Variants in KIF6 observed in about 807,000 individuals in gnomAD.
The protein encoded by KIF6 is kinesin-like protein KIF6.
In KIF6, 106 loss-of-function variants were observed where a neutral mutation model predicts 112.7. The ratio of observed to expected loss-of-function variants is 0.94; its 90% CI spans 0.80 to 1.11. KIF6 has a LOEUF of 1.11. Ranked by LOEUF, KIF6 falls within the 50% of genes least tolerant of loss-of-function variation. KIF6 has a pLI of 0.00. For missense variants in KIF6, 929 were observed against 964.0 expected (o/e 0.96, Z 0.48); for synonymous variants, 339 against 339.9 (o/e 1.00, Z 0.03).
At chr6:39,608,682 T>G (rs1783029030) in intron 6 of KIF6, among the ~76,000 whole-genome samples, 2 of 152,236 alleles carry the variant, frequency 1.3e-5, no homozygotes, top group African/African-American at 4.8e-5. Flanking sequence ...GAAAGTAACC[T>G]CTTTCAAAAG....
At chr6:39,536,652 A>G (rs1487555781) in intron 13 of KIF6, among the ~76,000 whole-genome samples, 1 of 151,876 alleles carries the variant, frequency 6.6e-6, no homozygotes, top group Non-Finnish European at 1.5e-5. Flanking sequence ...AGTAACTGGT[A>G]CCATTCCTTC....
chr6:39,358,325 G>A (rs557545374), intron 18 of KIF6, among the ~76,000 whole-genome samples: 2 of 152,332 alleles, frequency 1.3e-5, no homozygotes, highest in East Asian at 3.9e-4. Context: ...TTCTGCCTCT[G>A]CCCACTGAGG....
rs1167242138 is a variant in KIF6 at position 39,342,611 on chromosome 6, A to ATT, written c.2428+1096_2428+1097dup. Among the ~76,000 whole-genome samples, 96 of 84,584 alleles carry ATT rather than the reference A, an allele frequency of 1.1e-3. 3 individuals are homozygous for ATT. The highest frequency in any genetic ancestry group is 8.8e-3 in the African/African-American group (92 of 10,470). The allele number at this position is 84,584 out of a possible 152,430, so 55.5% of individuals were successfully genotyped here. On this transcript the variant is annotated intron_variant, in intron 22 of 22. Transcript: ENST00000287152. This position sits in a 1 kb window ranked among gnomAD's most constrained non-coding sequence, Gnocchi z 4.7. ...TGAATCCAGTTTTTTATTTTTTTTT[A>ATT]TTTTTTTTTATTTTTTTTTATTTTT...
chr6:39,425,915 G>A (rs1049174799), intron 14 of KIF6, among the ~76,000 whole-genome samples: 4 of 152,008 alleles, frequency 2.6e-5, no homozygotes, highest in African/African-American at 7.2e-5. Context: ...CTCCACCCTC[G>A]GTCCGGTTTT....
At chr6:39,368,022 G>A (rs1445677957) in intron 16 of KIF6, among the ~76,000 whole-genome samples, 1 of 152,198 alleles carries the variant, frequency 6.6e-6, no homozygotes, top group Non-Finnish European at 1.5e-5. Context: ...TTCAATGCAA[G>A]TACTCTGTGC....
In KIF6 at chr6:39,723,836, A is replaced by G. The variant is rs115758374; in HGVS notation, c.66+1409T>C. Among the ~76,000 whole-genome samples, 1,327 of 152,304 alleles carry G rather than the reference A, an allele frequency of 8.7e-3. 20 individuals are homozygous for G. Among genetic ancestry groups the G allele is most frequent in the African/African-American group, 0.03 (1,263 of 41,560 alleles). The stretch of plus-strand genomic sequence containing the variant: ...TGCAGCAAACCACCACGGCACGTGT[A>G]TACCTACGTGAGAAACCTGTACGTT... On this transcript the variant is annotated intron_variant, in intron 1 of 22. Transcript: ENST00000287152.
chr6:39,356,737 C>T (rs932907168), intron 19 of KIF6, among the ~76,000 whole-genome samples: 1 of 152,168 alleles, frequency 6.6e-6, no homozygotes, highest in African/African-American at 2.4e-5. Context: ...GTGCTACCCC[C>T]TGGGTTGTGT....
At chr6:39,444,292 G>A (rs79773186) in intron 13 of KIF6, among the ~76,000 whole-genome samples, 1,753 of 151,864 alleles carry the variant, frequency 0.012, 28 homozygotes, top group African/African-American at 0.038. Flanking sequence ...AGGCCACCCC[G>A]GCTTTACTGA....
chr6:39,689,626 T>A (rs1179913020), intron 3 of KIF6, among the ~76,000 whole-genome samples: 1 of 152,044 alleles, frequency 6.6e-6, no homozygotes, highest in Non-Finnish European at 1.5e-5. Context: ...AGGGCCAGGG[T>A]CTCACTCTGT....
intron 5 of KIF6, among the ~76,000 whole-genome samples, chr6:39,633,162 A>T (rs1474293843): frequency 6.6e-6 from 1 of 152,028 alleles, no homozygotes; most frequent in East Asian, 1.9e-4. Context: ...AATAACTTTT[A>T]AAAATTATTT....
chr6:39,639,284 A>G (rs1784786973), intron 4 of KIF6, among the ~76,000 whole-genome samples: 1 of 152,154 alleles, frequency 6.6e-6, no homozygotes, highest in African/African-American at 2.4e-5. Flanking sequence ...TGCTTTGATA[A>G]GAAGACATTC....
At chr6:39,357,234 C>A (rs1411738568) in intron 19 of KIF6, 43 bp downstream of exon 19, 4 of 1,314,704 alleles carry the variant, frequency 3.0e-6, no homozygotes, top group Non-Finnish European at 4.3e-6. Flanking sequence ...GGTAGGGAGC[C>A]TTTTCTGGGA....
intron 19 of KIF6, among the ~76,000 whole-genome samples, chr6:39,348,853 C>T (rs1431572079): frequency 6.6e-6 from 1 of 152,240 alleles, no homozygotes; most frequent in Admixed American, 6.5e-5. Flanking sequence ...AGCAGCCGCT[C>T]TGGAGCTCGG....
chr6:39,605,612 G>T (rs947050653), intron 6 of KIF6, among the ~76,000 whole-genome samples: 1 of 152,024 alleles, frequency 6.6e-6, no homozygotes, highest in African/African-American at 2.4e-5. Context: ...AATATATACT[G>T]TGAAACTTTA....
At position 39,528,813 on chromosome 6, in the gene KIF6, A is replaced by G. The variant is rs1777885316; in HGVS notation, c.1645+11190T>C. 2.6e-5 allele frequency among the ~76,000 whole-genome samples: 4 copies of G among 152,372 alleles called. No individual in the cohort carries two copies. The South Asian group carries it at 8.3e-4, about 32-fold the overall frequency. On this transcript the variant is annotated intron_variant, in intron 13 of 22. Coordinates refer to ENST00000287152, the MANE Select transcript of KIF6 (RefSeq NM_145027.6). ...TCCATGTTACTAAAGTGATCTATAG[A>G]TTCAATGTATTCCCTATCAGAATTC...
At chr6:39,474,968 T>C (rs1333204208) in intron 13 of KIF6, among the ~76,000 whole-genome samples, 2 of 152,250 alleles carry the variant, frequency 1.3e-5, no homozygotes, top group Non-Finnish European at 2.9e-5. Flanking sequence ...AATTATATGA[T>C]GGTCCTGTTG....
intron 10 of KIF6, among the ~76,000 whole-genome samples, chr6:39,569,954 A>G (rs922970857): frequency 1.3e-5 from 2 of 152,234 alleles, no homozygotes; most frequent in Non-Finnish European, 2.9e-5. Context: ...GTTTTATTTC[A>G]AAGTGCGATT....
intron 3 of KIF6, among the ~76,000 whole-genome samples, chr6:39,680,454 A>G (rs1787447961): frequency 6.6e-6 from 1 of 152,254 alleles, no homozygotes; most frequent in African/African-American, 2.4e-5. Flanking sequence ...CCTTCAAACA[A>G]CTTAGAGTTC....
At chr6:39,449,023 C>T (rs72850669) in intron 13 of KIF6, among the ~76,000 whole-genome samples, 6,520 of 152,296 alleles carry the variant, frequency 0.043, 256 homozygotes, top group Admixed American at 0.13. Context: ...TCAGCTCTAG[C>T]GGCAACTCCT....
Sources: allele counts gnomAD v4.1 joint callset (sites outside exome capture counted in the v4.1 genomes callset), GRCh38; gene constraint gnomAD v4.1.1; non-coding constraint Gnocchi (gnomAD v3.1); transcripts MANE v1.5; gene names NCBI Gene and HGNC (gene_info 2026-07-23, HGNC 2026-07-21).